TMEM185B: variants seen among roughly 807,000 people sequenced by gnomAD.
TMEM185B encodes the protein ee3_2.
A neutral mutation model predicts 26.2 loss-of-function variants in TMEM185B; 9 were observed. The ratio of observed to expected loss-of-function variants is 0.34; its 90% CI spans 0.21 to 0.60. The LOEUF is 0.60. Ranked by LOEUF, TMEM185B falls within the 20% of genes least tolerant of loss-of-function variation. The pLI is 0.80. For missense variants in TMEM185B, 392 were observed against 447.9 expected (o/e 0.88, Z 1.13); for synonymous variants, 204 against 191.8 (o/e 1.06, Z -0.52).
In TMEM185B at chr2:120,222,903, G is replaced by A. The variant is rs1408642118; in HGVS notation, c.74C>T (p.Ser25Leu). The change falls in exon 1 of 1, where the codon TCG becomes TTG. Residue 25 changes from serine (S) to leucine (L), a missense_variant. Coordinates refer to ENST00000426077, the MANE Select transcript of TMEM185B (RefSeq NM_024121.3). ...GTCCAGGCGGAGGGGCAGCAGCACCGAGAAGAGCAGCAGGCAGGTGTAGAT... is the reference window on the plus strand; with the variant it reads ...GTCCAGGCGGAGGGGCAGCAGCACCAAGAAGAGCAGCAGGCAGGTGTAGAT... The part of the protein sequence containing the change: ...FLIYTCLLLF[S>L]VLLPLRLDGI... The A allele has an allele frequency of 7.6e-6, 11 of 1,455,824 alleles. No individual in the cohort carries two copies. The highest frequency in any genetic ancestry group is 8.1e-6 in the Non-Finnish European group (9 of 1,111,816). 90.2% of individuals were successfully genotyped at this position (1,455,824 alleles called of 1,614,324 possible). A position where few individuals can be genotyped will look rare whatever the true frequency, so the allele number is the denominator to read the frequency against.
rs1194506379 is a variant in TMEM185B at position 120,219,114 on chromosome 2, C to G, written c.*2810G>C. On this transcript the variant is annotated 3_prime_UTR_variant, in exon 1 of 1. Coordinates refer to ENST00000426077, the MANE Select transcript of TMEM185B (RefSeq NM_024121.3). The stretch of plus-strand genomic sequence containing the variant: ...TTGTGGAGCAGACGTGATCAGACCC[C>G]CAGCCTGGAGCATAACCTAGAAGCC... Among the ~76,000 whole-genome samples the G allele has an allele frequency of 6.6e-6, 1 of 152,192 alleles. No homozygotes were observed. The highest frequency in any genetic ancestry group is 1.5e-5 in the Non-Finnish European group (1 of 68,026).
rs1267419075 is a variant in TMEM185B at position 120,222,418 on chromosome 2, G to A, written c.559C>T (p.Leu187Phe). 1.3e-6 allele frequency: 2 copies of A among 1,536,174 alleles called. No homozygotes were observed. Among genetic ancestry groups the A allele is most frequent in the Admixed American group, 2.0e-5 (1 of 50,994 alleles). ...ILMSFLCLVV[L>F]YYIVWSLLFL... is the part of the protein sequence containing the mutation. ...AGGAGGGACCAGACGATGTAATAGA[G>A]GACGACCAGGCAAAGGAACGACATG... The change falls in exon 1 of 1, where the codon CTC (leucine) becomes TTC (phenylalanine). Residue 187 changes from leucine to phenylalanine, a missense_variant. By Grantham distance (22) the Leu-to-Phe change is conservative. Coordinates refer to ENST00000426077, the MANE Select transcript of TMEM185B (RefSeq NM_024121.3).
chr2:120,223,263 G>C lies in TMEM185B; in HGVS notation c.-287C>G. On this transcript the variant is annotated 5_prime_UTR_variant, in exon 1 of 1. Transcript: ENST00000426077. ...CGCTGCCTCGGTCCCGCCGCCGCCC[G>C]CGTTCACTCCGTACCCATCAAGAAG... 1 of 253,368 alleles carries C rather than the reference G, an allele frequency of 3.9e-6. No homozygotes were observed. The highest frequency in any genetic ancestry group is 7.5e-6 in the Non-Finnish European group (1 of 133,872). The allele number at this position is 253,368 out of a possible 1,614,324, so 15.7% of individuals were successfully genotyped here.
In TMEM185B at chr2:120,218,127, C is replaced by T. The variant is rs1156783532; in HGVS notation, c.*3797G>A. On this transcript the variant is annotated 3_prime_UTR_variant, in exon 1 of 1. Transcript: ENST00000426077. ...CGAGTGAGTTCTGGCAGAGTCCTGC[C>T]CCCTCCTCCTCGAGACAAAGGAGCC... Among the ~76,000 whole-genome samples the T allele has an allele frequency of 6.6e-6, 1 of 152,144 alleles. No individual in the cohort carries two copies. Among genetic ancestry groups the T allele is most frequent in the African/African-American group, 2.4e-5 (1 of 41,416 alleles).
At position 120,220,478 on chromosome 2, in the gene TMEM185B, C is replaced by T. The variant is rs1312694020; in HGVS notation, c.*1446G>A. Among the ~76,000 whole-genome samples the T allele has an allele frequency of 6.6e-6, 1 of 152,244 alleles. No homozygotes were observed. The highest frequency in any genetic ancestry group is 6.5e-5 in the Admixed American group (1 of 15,288). On this transcript the variant is annotated 3_prime_UTR_variant, in exon 1 of 1. Transcript: ENST00000426077. ...GGGTGCAGTGGTTCCCGCCTGTAAT[C>T]CCAGCACTTTGGGAGGCCAAGGCGG...
rs986075974 is a variant in TMEM185B, at chr2:120,222,171, T to C, written c.806A>G (p.His269Arg). 3.2e-6 allele frequency: 5 copies of C among 1,556,632 alleles called. No homozygotes were observed. The highest frequency in any genetic ancestry group is 4.3e-6 in the Non-Finnish European group (5 of 1,153,608). ...ATTFRRKGGN[H>R]WWFGIRRDFC... ...GTCTCTGCGAATGCCAAACCACCAA[T>C]GATTGCCCCCCTTTCGCCTAAATGT... The change falls in exon 1 of 1, where the codon CAT (histidine) becomes CGT (arginine). Residue 269 changes from histidine (H) to arginine (R), a missense_variant. Physicochemically the swap from His to Arg is conservative, Grantham distance 29. This residue lies in a region of TMEM185B where 176 missense variants were observed against 201.6 expected (regional missense o/e 0.87). Transcript: ENST00000426077.
chr2:120,222,909 A>T lies in TMEM185B; in HGVS notation c.68T>A (p.Leu23His). Residue 23 changes from leucine (L) to histidine (H), a missense_variant, in exon 1 of 1, where the codon CTC becomes CAC. This residue lies in a region of TMEM185B where 175 missense variants were observed against 169.1 expected (regional missense o/e 1.03). Transcript: ENST00000426077. ...GCGGAGGGGCAGCAGCACCGAGAAG[A>T]GCAGCAGGCAGGTGTAGATGAGAAA... is the stretch of plus-strand genomic sequence containing the variant. ...SKFLIYTCLL[L>H]FSVLLPLRLD... 3 of 1,454,348 alleles carry T rather than the reference A, an allele frequency of 2.1e-6. No homozygotes were observed. The highest frequency in any genetic ancestry group is 2.7e-6 in the Non-Finnish European group (3 of 1,111,094). The allele number at this position is 1,454,348 out of a possible 1,614,324, so 90.1% of individuals were successfully genotyped here.
Position 120,220,843 on chromosome 2 carries a change from T to TA in TMEM185B, c.*1080dup, listed in dbSNP as rs1485106770. 6.6e-6 allele frequency among the ~76,000 whole-genome samples: 1 copy of TA among 152,188 alleles called. No individual in the cohort carries two copies. The highest frequency in any genetic ancestry group is 1.5e-5 in the Non-Finnish European group (1 of 68,018). ...AGTTGTTTCCCTATTGCTGACAGATTAAAGTTTGGCCCTTAAAATGACACC... is the reference window on the plus strand; with the variant it reads ...AGTTGTTTCCCTATTGCTGACAGATTAAAAGTTTGGCCCTTAAAATGACACC... On this transcript the variant is annotated 3_prime_UTR_variant, in exon 1 of 1. Coordinates refer to ENST00000426077, the MANE Select transcript of TMEM185B (RefSeq NM_024121.3).
rs1255695449 is a variant in TMEM185B at position 120,218,415 on chromosome 2, C to T, written c.*3509G>A. Among the ~76,000 whole-genome samples, 3 of 152,224 alleles carry T rather than the reference C, an allele frequency of 2.0e-5. No homozygotes were observed. The highest frequency in any genetic ancestry group is 4.8e-5 in the African/African-American group (2 of 41,456). ...CTGGGTTTCCAGCCACACAACTTCC[C>T]GGATCCCTGTGAACTTGCTGGGCTT... On this transcript the variant is annotated 3_prime_UTR_variant, in exon 1 of 1. Coordinates refer to ENST00000426077, the MANE Select transcript of TMEM185B (RefSeq NM_024121.3).
At position 120,223,136 on chromosome 2, in the gene TMEM185B, GGA is replaced by G. The variant is rs1688622440; in HGVS notation, c.-162_-161del. On this transcript the variant is annotated 5_prime_UTR_variant, in exon 1 of 1. Coordinates refer to ENST00000426077, the MANE Select transcript of TMEM185B (RefSeq NM_024121.3). Reference sequence around the variant, plus strand: ...AGGAGGAGGTTCGGAGCGGCGAAGCGGAGAGGCCGGAACACGTGCACGCGCGG... The same window carrying G: ...AGGAGGAGGTTCGGAGCGGCGAAGCGGAGGCCGGAACACGTGCACGCGCGG... 4.1e-6 allele frequency: 2 copies of G among 488,484 alleles called. No individual in the cohort carries two copies. The highest frequency in any genetic ancestry group is 4.0e-5 in the African/African-American group (2 of 49,610). The allele number at this position is 488,484 out of a possible 1,614,324, so 30.3% of individuals were successfully genotyped here.
rs966399157 is a variant in TMEM185B, at chr2:120,219,845, C to T, written c.*2079G>A. On this transcript the variant is annotated 3_prime_UTR_variant, in exon 1 of 1. Coordinates refer to ENST00000426077, the MANE Select transcript of TMEM185B (RefSeq NM_024121.3). ...CACCGTACAGGACACTTTGCATGGG[C>T]AGGGCTGTTTGCTCTCCACTGCATC... is the stretch of plus-strand genomic sequence containing the variant. Among the ~76,000 whole-genome samples the T allele has an allele frequency of 6.6e-6, 1 of 152,272 alleles. No individual in the cohort carries two copies. Among genetic ancestry groups the T allele is most frequent in the Admixed American group, 6.5e-5 (1 of 15,294 alleles).
At position 120,219,446 on chromosome 2, in the gene TMEM185B, C is replaced by T. The variant is rs1185056554; in HGVS notation, c.*2478G>A. On this transcript the variant is annotated 3_prime_UTR_variant, in exon 1 of 1. Transcript: ENST00000426077. Reference sequence around the variant, plus strand: ...ACACTAGATGCTGGCTTTCCAACACCAGATAGCTTGGGGGAAGAGGAAGTT... The same window carrying T: ...ACACTAGATGCTGGCTTTCCAACACTAGATAGCTTGGGGGAAGAGGAAGTT... Among the ~76,000 whole-genome samples the T allele has an allele frequency of 6.6e-6, 1 of 151,946 alleles. No individual in the cohort carries two copies. Among genetic ancestry groups the T allele is most frequent in the East Asian group, 1.9e-4 (1 of 5,182 alleles).
chr2:120,222,753 C>G lies in TMEM185B; in HGVS notation c.224G>C (p.Gly75Ala). Residue 75 changes from glycine to alanine, a missense_variant, in exon 1 of 1, where the codon GGA becomes GCA. Physicochemically the swap from Gly to Ala is moderately conservative, Grantham distance 60. Around this residue, in one of 3 missense-constraint regions of TMEM185B, gnomAD observed 175 missense variants for 169.1 expected, o/e 1.03. Transcript: ENST00000426077. ...GGCTTTGAACTCCACACAGGCCTCT[C>G]CCTCGGTGCGGTAGCGAGGGTTGCG... is the stretch of plus-strand genomic sequence containing the variant. Reference protein sequence around the residue: ...WARNPRYRTEGEACVEFKAML... With the variant: ...WARNPRYRTEAEACVEFKAML... 7 of 1,536,462 alleles carry G rather than the reference C, an allele frequency of 4.6e-6. No homozygotes were observed. Among genetic ancestry groups the G allele is most frequent in the Non-Finnish European group, 6.1e-6 (7 of 1,146,982 alleles).
In TMEM185B at chr2:120,219,472, A is replaced by G. The variant is rs1313914208; in HGVS notation, c.*2452T>C. The stretch of plus-strand genomic sequence containing the variant: ...AGATAGCTTGGGGGAAGAGGAAGTT[A>G]AGATGGGCTGGGGGGTTGTGGGGAC... On this transcript the variant is annotated 3_prime_UTR_variant, in exon 1 of 1. Coordinates refer to ENST00000426077, the MANE Select transcript of TMEM185B (RefSeq NM_024121.3). 6.6e-6 allele frequency among the ~76,000 whole-genome samples: 1 copy of G among 152,076 alleles called. No homozygotes were observed. The highest frequency in any genetic ancestry group is 1.5e-5 in the Non-Finnish European group (1 of 68,004).
chr2:120,222,947 G>C lies in TMEM185B; in HGVS notation c.30C>G (p.Phe10Leu), dbSNP rs1482000272. Residue 10 changes from phenylalanine (F) to leucine (L), a missense_variant, in exon 1 of 1, where the codon TTC (phenylalanine) becomes TTG (leucine). Around this residue, in one of 3 missense-constraint regions of TMEM185B, gnomAD observed 175 missense variants for 169.1 expected, o/e 1.03. Coordinates refer to ENST00000426077, the MANE Select transcript of TMEM185B (RefSeq NM_024121.3). ...TGTAGATGAGAAACTTACTGGGGTT[G>C]AAGTCCTGGAACAGGCCCCTGGGGT... is the stretch of plus-strand genomic sequence containing the variant. The part of the protein sequence containing the change: MNPRGLFQD[F>L]NPSKFLIYTC... 6.9e-7 allele frequency: 1 copy of C among 1,443,932 alleles called. No homozygotes were observed. Among genetic ancestry groups the C allele is most frequent in the Admixed American group, 2.8e-5 (1 of 35,128 alleles). The allele number at this position is 1,443,932 out of a possible 1,614,324, so 89.4% of individuals were successfully genotyped here. A position where few individuals can be genotyped will look rare whatever the true frequency, so the allele number is the denominator to read the frequency against.
chr2:120,222,987 G>A lies in TMEM185B; in HGVS notation c.-11C>T. ...GCCCCTGGGGTTCATGGCGGAGGCCGCCGCTTGCCTGCCCGGGCCTGCTCC... is the reference window on the plus strand; with the variant it reads ...GCCCCTGGGGTTCATGGCGGAGGCCACCGCTTGCCTGCCCGGGCCTGCTCC... On this transcript the variant is annotated 5_prime_UTR_variant, in exon 1 of 1. Coordinates refer to ENST00000426077, the MANE Select transcript of TMEM185B (RefSeq NM_024121.3). The A allele has an allele frequency of 5.0e-6, 7 of 1,410,768 alleles. No individual in the cohort carries two copies. The highest frequency in any genetic ancestry group is 1.6e-5 in the South Asian group (1 of 62,654). The allele number at this position is 1,410,768 out of a possible 1,614,324, so 87.4% of individuals were successfully genotyped here.
At position 120,222,780 on chromosome 2, in the gene TMEM185B, G is replaced by C. The variant is rs1688612492; in HGVS notation, c.197C>G (p.Ala66Gly). The C allele has an allele frequency of 1.3e-6, 2 of 1,534,724 alleles. No individual in the cohort carries two copies. Among genetic ancestry groups the C allele is most frequent in the East Asian group, 4.9e-5 (2 of 40,876 alleles). Residue 66 changes from alanine (A) to glycine (G), a missense_variant, in exon 1 of 1, where the codon GCC (alanine) becomes GGC (glycine). Ala to Gly is a moderately conservative substitution (Grantham distance 60, BLOSUM62 0). Around this residue, in one of 3 missense-constraint regions of TMEM185B, gnomAD observed 175 missense variants for 169.1 expected, o/e 1.03. Coordinates refer to ENST00000426077, the MANE Select transcript of TMEM185B (RefSeq NM_024121.3). ...CTCGGTGCGGTAGCGAGGGTTGCGG[G>C]CCCAAACGCCCGCGCCCACGGAGGC... is the stretch of plus-strand genomic sequence containing the variant. Reference protein sequence around the residue: ...AGASVGAGVWARNPRYRTEGE... With the variant: ...AGASVGAGVWGRNPRYRTEGE...
chr2:120,219,021 T>C lies in TMEM185B; in HGVS notation c.*2903A>G, dbSNP rs1017679694. Among the ~76,000 whole-genome samples the C allele has an allele frequency of 2.0e-5, 3 of 152,212 alleles. No individual in the cohort carries two copies. The highest frequency in any genetic ancestry group is 6.5e-5 in the Admixed American group (1 of 15,286). On this transcript the variant is annotated 3_prime_UTR_variant, in exon 1 of 1. Transcript: ENST00000426077. ...GGTAGGGCTTGGCCTCCTGTGCTTC[T>C]GCCATGAGAAAGAACACGGCCCAAG...
Position 120,220,059 on chromosome 2 carries a change from C to G in TMEM185B, c.*1865G>C, listed in dbSNP as rs1294845936. On this transcript the variant is annotated 3_prime_UTR_variant, in exon 1 of 1. Coordinates refer to ENST00000426077, the MANE Select transcript of TMEM185B (RefSeq NM_024121.3). Reference sequence around the variant, plus strand: ...AGACAGCGAGCTCAATCCCAGCCAACTAAGCCCAGCTGTAGCTCCCTCAGG... The same window carrying G: ...AGACAGCGAGCTCAATCCCAGCCAAGTAAGCCCAGCTGTAGCTCCCTCAGG... Among the ~76,000 whole-genome samples the G allele has an allele frequency of 1.3e-5, 2 of 152,260 alleles. No homozygotes were observed. Among genetic ancestry groups the G allele is most frequent in the African/African-American group, 4.8e-5 (2 of 41,470 alleles).
Sources: allele counts gnomAD v4.1 joint callset (sites outside exome capture counted in the v4.1 genomes callset), GRCh38; gene constraint gnomAD v4.1.1; regional missense constraint gnomAD v4.1.1; transcripts MANE v1.5; gene names NCBI Gene and HGNC (gene_info 2026-07-23, HGNC 2026-07-21).